Variants in DRC3 observed in about 807,000 individuals in gnomAD.
DRC3 encodes dynein regulatory complex subunit 3, also known as leucine rich repeat containing 48.
DRC3 carries 45 observed loss-of-function variants against 57.6 expected under a neutral mutation model. That is an observed-to-expected ratio of 0.78 (90% CI 0.62 to 1.00). The LOEUF (loss-of-function observed/expected upper bound fraction) is 1.00. Among genes scored for constraint, DRC3 ranks in the 50% least tolerant of loss-of-function variants. The probability of loss-of-function intolerance (pLI) is 0.00; values close to 1 mark genes in which losing one functional copy is unlikely to be tolerated. For missense variants in DRC3, 655 were observed against 675.2 expected (o/e 0.97, Z 0.33); for synonymous variants, 257 against 272.3 (o/e 0.94, Z 0.55).
At position 17,980,358 on chromosome 17, in the gene DRC3, G is replaced by A. The variant is rs965922435; in HGVS notation, c.160+2600G>A. On this transcript the variant is annotated intron_variant, in intron 3 of 13. Transcript: ENST00000399187. The stretch of plus-strand genomic sequence containing the variant: ...CTGGAGTGCTAGAGTGCAGTAGTGC[G>A]ATCTCAGCTCACTGCAACCTCTGCC... 1.5e-4 allele frequency among the ~76,000 whole-genome samples: 23 copies of A among 151,708 alleles called. 1 individual carries two copies. Among genetic ancestry groups the A allele is most frequent in the Admixed American group, 1.2e-3 (19 of 15,212 alleles).
chr17:18,011,947 C>T (rs554735433), intron 12 of DRC3: 2 of 152,586 alleles, frequency 1.3e-5, no homozygotes, highest in South Asian at 2.1e-4. Flanking sequence ...CTCAGCCTCC[C>T]GAGTACCTGG....
chr17:17,991,621 T>C (rs1207337115), intron 5 of DRC3, among the ~76,000 whole-genome samples: 1 of 152,116 alleles, frequency 6.6e-6, no homozygotes, highest in Non-Finnish European at 1.5e-5. Flanking sequence ...AAAATACTTT[T>C]TTGCCAGTAC....
intron 6 of DRC3, chr17:17,994,066 G>T: frequency 2.1e-6 from 1 of 472,586 alleles, no homozygotes. Flanking sequence ...GCTGCCTTCC[G>T]CTCCTCCTGG....
chr17:18,002,623 T>G (rs2043784546), intron 9 of DRC3, among the ~76,000 whole-genome samples: 1 of 152,346 alleles, frequency 6.6e-6, no homozygotes, highest in South Asian at 2.1e-4. Flanking sequence ...TCCTGGCCTG[T>G]GCCTGTGATA....
At chr17:17,986,599 A>T (rs1428776621) in intron 4 of DRC3, among the ~76,000 whole-genome samples, 2 of 150,530 alleles carry the variant, frequency 1.3e-5, no homozygotes, top group African/African-American at 2.5e-5. Context: ...AGTAGCTGGG[A>T]TTACAGGCAT....
At chr17:17,978,874 G>C (rs879551639) in intron 3 of DRC3, among the ~76,000 whole-genome samples, 8 of 152,252 alleles carry the variant, frequency 5.3e-5, no homozygotes, top group Non-Finnish European at 8.8e-5. Flanking sequence ...GTACTGTTCT[G>C]AGCACTAGGG....
At chr17:17,985,154 A>G (rs1013519210) in intron 4 of DRC3, among the ~76,000 whole-genome samples, 1 of 152,196 alleles carries the variant, frequency 6.6e-6, no homozygotes, top group East Asian at 1.9e-4. Flanking sequence ...ACTGAGCCCC[A>G]TGACAGCTCC....
intron 2 of DRC3, among the ~76,000 whole-genome samples, chr17:17,976,567 G>A (rs1403551092): frequency 6.6e-6 from 1 of 152,200 alleles, no homozygotes; most frequent in Non-Finnish European, 1.5e-5. Flanking sequence ...TGAAATCCTA[G>A]TTACTCAGGA....
chr17:18,000,238 T>C (rs1016141943), intron 9 of DRC3, among the ~76,000 whole-genome samples: 5 of 147,248 alleles, frequency 3.4e-5, no homozygotes, highest in African/African-American at 1.0e-4. Flanking sequence ...TGTACTTTGC[T>C]TTCACGTGAG....
chr17:17,974,698 T>C (rs757850526), intron 2 of DRC3, among the ~76,000 whole-genome samples: 2 of 152,196 alleles, frequency 1.3e-5, no homozygotes, highest in Non-Finnish European at 2.9e-5. Flanking sequence ...TCCTCCTTCT[T>C]TCCTGCTTGT....
chr17:17,995,021 A>G lies in DRC3; in HGVS notation c.734A>G (p.Asn245Ser). 3 of 1,613,862 alleles carry G rather than the reference A, an allele frequency of 1.9e-6. No homozygotes were observed. Among genetic ancestry groups the G allele is most frequent in the Admixed American group, 1.7e-5 (1 of 60,008 alleles). ...KHKTAFVEHL[N>S]GSFLFDSMYA... is the part of the protein sequence containing the mutation. ...CAGACTGCGTTTGTGGAACACCTGA[A>G]TGGCTCCTTCCTGTTTGACAGCATG... The change falls in exon 8 of 14, where the codon AAT becomes AGT. Residue 245 changes from asparagine (N) to serine (S), a missense_variant. By Grantham distance (46) the Asn-to-Ser change is conservative (BLOSUM62 1). Coordinates refer to ENST00000399187, the MANE Select transcript of DRC3 (RefSeq NM_031294.4).
chr17:18,012,120 TAA>T (rs2044190650), intron 12 of DRC3, among the ~76,000 whole-genome samples: 1 of 152,076 alleles, frequency 6.6e-6, no homozygotes, highest in African/African-American at 2.4e-5. Context: ...ATAAGAAAAA[TAA>T]AGTGAATTAA....
intron 3 of DRC3, among the ~76,000 whole-genome samples, chr17:17,982,441 TC>T (rs1471369641): frequency 9.2e-5 from 14 of 151,578 alleles, no homozygotes; most frequent in African/African-American, 3.2e-4. Context: ...GGTCTCCACC[TC>T]CTCACCTCCT....
At chr17:17,999,540 A>G (rs73303856) in intron 9 of DRC3, among the ~76,000 whole-genome samples, 2,314 of 152,086 alleles carry the variant, frequency 0.015, 72 homozygotes, top group African/African-American at 0.053. Context: ...CCTCCCACTC[A>G]TCCCCATTAG....
Position 18,007,342 on chromosome 17 carries a change from T to C in DRC3, c.1326+195T>C, listed in dbSNP as rs1391099112. ...ACAAAGCACCTGGTGGGGCACCCAG[T>C]GGGGCCCAGTTAAAGAGGAGCTCAT... is the stretch of plus-strand genomic sequence containing the variant. On this transcript the variant is annotated intron_variant, in intron 12 of 13. Transcript: ENST00000399187. The C allele has an allele frequency of 2.7e-6, 4 of 1,501,276 alleles. No individual in the cohort carries two copies. The Admixed American group carries it at 7.9e-5, about 30-fold the overall frequency. The allele number at this position is 1,501,276 out of a possible 1,614,324, so 93.0% of individuals were successfully genotyped here.
intron 9 of DRC3, among the ~76,000 whole-genome samples, chr17:18,003,990 C>A (rs576378199): frequency 6.6e-6 from 1 of 151,942 alleles, no homozygotes; most frequent in Admixed American, 6.6e-5. Flanking sequence ...TATGCCAAAG[C>A]GGCATATTTT....
intron 11 of DRC3, 199 bp from the exon 12 acceptor site, chr17:18,006,825 C>CCA: frequency 1.4e-6 from 1 of 706,502 alleles, no homozygotes; most frequent in Non-Finnish European, 2.2e-6. Context: ...ATGGCAGGGG[C>CCA]CGAGGGTCCG....
chr17:17,990,819 C>T (rs1287958436), intron 5 of DRC3, among the ~76,000 whole-genome samples: 10 of 152,104 alleles, frequency 6.6e-5, no homozygotes, highest in Non-Finnish European at 1.5e-4. Context: ...TGGCGAAACC[C>T]GTCTCTACTA....
At chr17:17,990,581 C>A (rs967800360) in intron 5 of DRC3, among the ~76,000 whole-genome samples, 2 of 152,206 alleles carry the variant, frequency 1.3e-5, no homozygotes, top group Admixed American at 1.3e-4. Context: ...ATGTCACCTC[C>A]CCAGAGAGAC....
Sources: allele counts gnomAD v4.1 joint callset (sites outside exome capture counted in the v4.1 genomes callset), GRCh38; gene constraint gnomAD v4.1.1; transcripts MANE v1.5; gene names NCBI Gene and HGNC (gene_info 2026-07-23, HGNC 2026-07-21).